PHF3: variants seen among roughly 807,000 people sequenced by gnomAD.
The protein encoded by PHF3 is PHD finger protein 3.
A neutral mutation model predicts 178.4 loss-of-function variants in PHF3; 41 were observed. The observed-to-expected ratio is 0.23, with a 90% CI of 0.18 to 0.30. PHF3 has a LOEUF of 0.30. Among genes scored for constraint, PHF3 ranks in the 10% least tolerant of loss-of-function variants. PHF3 has a pLI of 1.00. For missense variants in PHF3, 2,346 were observed against 2,398.1 expected (o/e 0.98, Z 0.45); for synonymous variants, 842 against 800.5 (o/e 1.05, Z -0.88).
At chr6:63,707,725 C>CT (rs3839636) in intron 13 of PHF3, among the ~76,000 whole-genome samples, 6,253 of 133,204 alleles carry the variant, frequency 0.047, 387 homozygotes, top group African/African-American at 0.15. Context: ...ATTTGCCTGT[C>CT]TTTTTTTTTT....
intron 1 of PHF3, among the ~76,000 whole-genome samples, chr6:63,644,228 C>G (rs1229809758): frequency 6.6e-6 from 1 of 152,044 alleles, no homozygotes; most frequent in African/African-American, 2.4e-5. Context: ...AAAAAGATTA[C>G]TAATTGGGAT....
Position 63,692,061 on chromosome 6 carries a change from G to T in PHF3, c.2496+18G>T, listed in dbSNP as rs1767030284. On this transcript the variant is annotated intron_variant, in intron 5 of 15. Transcript: ENST00000262043. ...TAAAACGGGTGAGCTCTTCATTAAT[G>T]CATTATTTTGTTTATTTAAGAGCTT... 6.4e-7 allele frequency: 1 copy of T among 1,551,146 alleles called. No homozygotes were observed. The highest frequency in any genetic ancestry group is 8.7e-7 in the Non-Finnish European group (1 of 1,145,516).
At chr6:63,680,733 G>A (rs1208544271) in intron 3 of PHF3, among the ~76,000 whole-genome samples, 2 of 152,000 alleles carry the variant, frequency 1.3e-5, no homozygotes, top group African/African-American at 4.8e-5. Flanking sequence ...TCTACCAGTT[G>A]TCTAAATCTA....
chr6:63,669,789 C>A (rs541872510), intron 2 of PHF3, among the ~76,000 whole-genome samples: 35 of 152,278 alleles, frequency 2.3e-4, no homozygotes, highest in African/African-American at 8.2e-4. Flanking sequence ...GAAGCATTTA[C>A]TGACTTCTAA....
At position 63,702,109 on chromosome 6, in the gene PHF3, G is replaced by T. The variant is rs1767500708; in HGVS notation, c.3100-399G>T. Reference sequence around the variant, plus strand: ...ATTTGAATAAACTACTATTGTGGGGGATGTTAGAACATTGAATTAGGAATT... The same window carrying T: ...ATTTGAATAAACTACTATTGTGGGGTATGTTAGAACATTGAATTAGGAATT... On this transcript the variant is annotated intron_variant, in intron 9 of 15. Transcript: ENST00000262043. Among the ~76,000 whole-genome samples, 3 of 152,310 alleles carry T rather than the reference G, an allele frequency of 2.0e-5. No homozygotes were observed. In the South Asian group the frequency reaches 6.2e-4, roughly 32 times the overall value.
chr6:63,685,677 T>C lies in PHF3; in HGVS notation c.1955T>C (p.Val652Ala), dbSNP rs1269022167. The part of the protein sequence containing the change: ...HVKEELEHPG[V>A]EHFKEEDKLK... ...AAGGAAGAGCTTGAACACCCAGGCG[T>C]TGAGCATTTTAAGGAAGAGGATAAA... The change falls in exon 4 of 16, where the codon GTT becomes GCT. Residue 652 changes from valine to alanine, a missense_variant. This residue lies in a region of PHF3 where 843 missense variants were observed against 795.2 expected (regional missense o/e 1.06). Coordinates refer to ENST00000262043, the MANE Select transcript of PHF3 (RefSeq NM_001370348.2). 7 of 1,613,860 alleles carry C rather than the reference T, an allele frequency of 4.3e-6. No homozygotes were observed. The highest frequency in any genetic ancestry group is 4.5e-5 in the East Asian group (2 of 44,886).
At chr6:63,710,792 C>G (rs116442083) in intron 14 of PHF3, among the ~76,000 whole-genome samples, 3,390 of 152,122 alleles carry the variant, frequency 0.022, 120 homozygotes, top group African/African-American at 0.075. Flanking sequence ...ATAAGCAGCC[C>G]TTTGTGGAGG....
intron 6 of PHF3, among the ~76,000 whole-genome samples, chr6:63,696,970 C>G (rs749822520): frequency 6.6e-6 from 1 of 151,338 alleles, no homozygotes; most frequent in Admixed American, 6.6e-5. Flanking sequence ...AAACAAATGC[C>G]GTAGTAGTTA....
chr6:63,721,262 G>T lies in PHF3; in HGVS notation c.*7554G>T. 1.3e-6 allele frequency: 2 copies of T among 1,551,856 alleles called. No individual in the cohort carries two copies. The highest frequency in any genetic ancestry group is 1.7e-6 in the Non-Finnish European group (2 of 1,146,962). Reference sequence around the variant, plus strand: ...ATTGGTCAGGTATACATAAAGATTGGTGGAGGCAAAGATTATTCAAACAGG... The same window carrying T: ...ATTGGTCAGGTATACATAAAGATTGTTGGAGGCAAAGATTATTCAAACAGG... On this transcript the variant is annotated 3_prime_UTR_variant, in exon 16 of 16. Coordinates refer to ENST00000262043, the MANE Select transcript of PHF3 (RefSeq NM_001370348.2).
At chr6:63,643,471 C>T (rs926027197) in intron 1 of PHF3, among the ~76,000 whole-genome samples, 2 of 152,128 alleles carry the variant, frequency 1.3e-5, no homozygotes, top group African/African-American at 4.8e-5. Flanking sequence ...TAAAACGTGT[C>T]CCATGAAACA....
intron 8 of PHF3, among the ~76,000 whole-genome samples, chr6:63,698,979 AAGAT>A (rs1206170184): frequency 6.6e-6 from 1 of 152,164 alleles, no homozygotes. Flanking sequence ...CTTAAATCTG[AAGAT>A]AGAGTAAAAA....
chr6:63,663,255 C>T (rs1423381213), intron 2 of PHF3, among the ~76,000 whole-genome samples: 3 of 152,142 alleles, frequency 2.0e-5, no homozygotes, highest in African/African-American at 7.2e-5. Context: ...TACGGGATCT[C>T]AAGATGAGAC....
intron 9 of PHF3, among the ~76,000 whole-genome samples, chr6:63,700,853 A>G (rs1767444699): frequency 6.6e-6 from 1 of 152,156 alleles, no homozygotes; most frequent in African/African-American, 2.4e-5. Flanking sequence ...AAGTGTGGGG[A>G]TTACAGGCAT....
At chr6:63,695,168 G>A (rs530222763) in intron 6 of PHF3, among the ~76,000 whole-genome samples, 9 of 152,128 alleles carry the variant, frequency 5.9e-5, no homozygotes, top group Admixed American at 1.3e-4. Context: ...GGATTTGAAG[G>A]GGTGCAAAGA....
intron 4 of PHF3, among the ~76,000 whole-genome samples, chr6:63,688,850 A>T (rs1766868709): frequency 6.6e-6 from 1 of 152,252 alleles, no homozygotes; most frequent in Admixed American, 6.5e-5. Flanking sequence ...TGCACTAGAT[A>T]CATTGAAAGC....
rs749231054 is a variant in PHF3, at chr6:63,684,995, G to C, written c.1273G>C (p.Asp425His). ...EFNKSNLEVV[D>H]TSTFGPESNI... ...TAATAAATCAAACTTAGAGGTGGTT[G>C]ATACTAGTACTTTTGGACCGGAAAG... The change falls in exon 4 of 16, where the codon GAT becomes CAT. Residue 425 changes from aspartate (D) to histidine (H), a missense_variant. Coordinates refer to ENST00000262043, the MANE Select transcript of PHF3 (RefSeq NM_001370348.2). 1.9e-6 allele frequency: 3 copies of C among 1,614,054 alleles called. No individual in the cohort carries two copies. In the East Asian group the frequency reaches 6.7e-5, roughly 36 times the overall value.
At position 63,712,697 on chromosome 6, in the gene PHF3, T is replaced by G; in HGVS notation, c.5109T>G (p.Ser1703=). 6.2e-7 allele frequency: 1 copy of G among 1,613,980 alleles called. No homozygotes were observed. Among genetic ancestry groups the G allele is most frequent in the South Asian group, 1.1e-5 (1 of 91,082 alleles). ...EQINVEEKLC[S]AEKNSCVQQS... ...TCAATGTAGAGGAAAAGTTGTGTTC[T>G]GCAGAGAAAAACTCGTGTGTTCAGC... Residue 1703 remains serine, a synonymous_variant, in exon 16 of 16, where the codon TCT becomes TCG. Transcript: ENST00000262043.
At chr6:63,669,581 TAAA>T (rs1765821203) in intron 2 of PHF3, among the ~76,000 whole-genome samples, 1 of 152,198 alleles carries the variant, frequency 6.6e-6, no homozygotes, top group African/African-American at 2.4e-5. Flanking sequence ...ACTACACTCT[TAAA>T]AAGGTGTGTA....
In PHF3 at chr6:63,713,992, G is replaced by T. The variant is rs190064935; in HGVS notation, c.*284G>T. On this transcript the variant is annotated 3_prime_UTR_variant, in exon 16 of 16. Transcript: ENST00000262043. ...TTTATTAATATGCAATAAAGGCTTA[G>T]AAATTTTAGTTTTATTCCTTAATTG... 176 of 258,644 alleles carry T rather than the reference G, an allele frequency of 6.8e-4. No individual in the cohort carries two copies. Among genetic ancestry groups the T allele is most frequent in the Non-Finnish European group, 9.1e-4 (126 of 138,478 alleles). 16.0% of individuals were successfully genotyped at this position (258,644 alleles called of 1,614,324 possible).
Sources: allele counts gnomAD v4.1 joint callset (sites outside exome capture counted in the v4.1 genomes callset), GRCh38; gene constraint gnomAD v4.1.1; regional missense constraint gnomAD v4.1.1; transcripts MANE v1.5; gene names NCBI Gene and HGNC (gene_info 2026-07-23, HGNC 2026-07-21).